Variants in DPP6 observed in about 807,000 individuals in gnomAD.
DPP6 encodes the protein A-type potassium channel modulatory protein DPP6.
Under a neutral mutation model 122.6 loss-of-function variants are expected in DPP6, and 69 were observed. The observed-to-expected ratio is 0.56, with a 90% CI of 0.46 to 0.69. The LOEUF is 0.69. Ranked by LOEUF, DPP6 falls within the 30% of genes least tolerant of loss-of-function variation. The pLI is 0.00. For missense variants in DPP6, 928 were observed against 1,116.9 expected, an observed-to-expected ratio of 0.83 and a Z score of 2.41; for synonymous variants, 418 against 433.1, an observed-to-expected ratio of 0.97 and a Z score of 0.43.
At chr7:153,840,222 A>G in the DPP6 span, among the ~76,000 whole-genome samples, 1 of 152,304 alleles carries the variant, frequency 6.6e-6, no homozygotes, top group South Asian at 2.1e-4. Flanking sequence ...CCCTACTTTC[A>G]ATTACTAATT....
chr7:154,349,174 GTTGTT>G (rs1467204360), intron 1 of DPP6, among the ~76,000 whole-genome samples: 1 of 152,096 alleles, frequency 6.6e-6, no homozygotes, highest in African/African-American at 2.4e-5. Flanking sequence ...GTTTGTTGTT[GTTGTT>G]TTGTTTTGTT....
rs1336236146 is a variant in DPP6 at position 153,964,922 on chromosome 7, CTTTCTTTCTTTCTTTCTT to C, written c.51+77202_51+77219del. ...TCCCTTCTTTTCTTTTCCTTTCTTT[CTTTCTTTCTTTCTTTCTT>C]TTTCTTTCTTTCTCTCTTTCTTTCT... is the stretch of plus-strand genomic sequence containing the variant. On this transcript the variant is annotated intron_variant, in intron 1 of 25. Coordinates refer to the DPP6 transcript ENST00000404039. Among the ~76,000 whole-genome samples, 108 of 110,848 alleles carry C rather than the reference CTTTCTTTCTTTCTTTCTT, an allele frequency of 9.7e-4. 1 individual carries two copies. In the East Asian group the frequency reaches 0.012, roughly 12 times the overall value. 72.7% of individuals were successfully genotyped at this position (110,848 alleles called of 152,430 possible).
At chr7:154,185,153 A>G (rs1390595955) in intron 1 of DPP6, among the ~76,000 whole-genome samples, 4 of 152,218 alleles carry the variant, frequency 2.6e-5, no homozygotes, top group African/African-American at 7.2e-5. Flanking sequence ...TACTAAGGCA[A>G]TTGTAATCAC....
At chr7:154,879,423 A>C (rs1805165545) in intron 20 of DPP6, among the ~76,000 whole-genome samples, 1 of 134,528 alleles carries the variant, frequency 7.4e-6, no homozygotes, top group Non-Finnish European at 1.5e-5. Flanking sequence ...TACTAAAAAA[A>C]AAAAAAAATA....
chr7:154,142,679 G>C (rs1795906819), intron 1 of DPP6, among the ~76,000 whole-genome samples: 1 of 151,820 alleles, frequency 6.6e-6, no homozygotes, highest in South Asian at 2.1e-4. Context: ...TTTTAGCTCT[G>C]CCTATTCACA....
intron 3 of DPP6, among the ~76,000 whole-genome samples, chr7:154,519,570 C>T (rs1826805799): frequency 6.6e-6 from 1 of 152,228 alleles, no homozygotes; most frequent in African/African-American, 2.4e-5. Context: ...CCTACTTTTC[C>T]TGGGAGAGTG....
chr7:154,337,519 G>C (rs7806984), intron 1 of DPP6, among the ~76,000 whole-genome samples: 117 of 152,192 alleles, frequency 7.7e-4, no homozygotes, highest in African/African-American at 2.5e-3. Context: ...CATCCCTACC[G>C]GACTCAGTGG....
intron 1 of DPP6, among the ~76,000 whole-genome samples, chr7:154,149,627 T>C (rs1796310010): frequency 6.6e-6 from 1 of 151,474 alleles, no homozygotes; most frequent in East Asian, 1.9e-4. Context: ...GACTTGATCA[T>C]GCTTCTGGCA....
intron 1 of DPP6, among the ~76,000 whole-genome samples, chr7:154,060,610 C>CCA (rs1801648825): frequency 8.5e-6 from 1 of 117,488 alleles, no homozygotes; most frequent in Non-Finnish European, 1.8e-5. Flanking sequence ...TCTTCCCCCC[C>CCA]CTGGCTCTGA....
chr7:153,787,171 T>C, the DPP6 span, among the ~76,000 whole-genome samples: 7 of 135,034 alleles, frequency 5.2e-5, no homozygotes, highest in Admixed American at 2.9e-4. Flanking sequence ...AGGATGATCT[T>C]GATCTCCTAA....
the DPP6 span, among the ~76,000 whole-genome samples, chr7:153,833,285 A>G: frequency 0.17 from 26,471 of 152,194 alleles, 2,347 homozygotes; most frequent in Non-Finnish European, 0.2. Flanking sequence ...AACTCCACTC[A>G]TGTCATACGC....
chr7:154,542,497 C>A (rs751327561), intron 4 of DPP6, among the ~76,000 whole-genome samples: 2 of 152,094 alleles, frequency 1.3e-5, no homozygotes, highest in Non-Finnish European at 2.9e-5. Context: ...GAATGTGAAC[C>A]GCCTTCTCTT....
chr7:154,371,837 A>T (rs959583282), intron 1 of DPP6, among the ~76,000 whole-genome samples: 1 of 152,110 alleles, frequency 6.6e-6, no homozygotes. Flanking sequence ...CTACACAAAC[A>T]TGACCTTTCC....
chr7:153,973,322 T>C (rs1796119646), intron 1 of DPP6, among the ~76,000 whole-genome samples: 1 of 152,180 alleles, frequency 6.6e-6, no homozygotes, highest in Non-Finnish European at 1.5e-5. Context: ...TGGTGTGGCA[T>C]GAGACACTCA....
intron 7 of DPP6, among the ~76,000 whole-genome samples, chr7:154,716,940 T>C (rs57716011): frequency 0.02 from 3,016 of 152,164 alleles, 92 homozygotes; most frequent in African/African-American, 0.07. Context: ...TTCAAGCGAT[T>C]CTCCTGCCTC....
chr7:154,645,558 C>T lies in DPP6; in HGVS notation c.680+7685C>T, dbSNP rs147546567. On this transcript the variant is annotated intron_variant, in intron 6 of 25. Coordinates refer to ENST00000377770, the MANE Select transcript of DPP6 (RefSeq NM_130797.4). The stretch of plus-strand genomic sequence containing the variant: ...GACTTTAGAGTCAAGGAGATCTGGG[C>T]GTAAATCCCCAGTCTTCGTTTCTAC... Among the ~76,000 whole-genome samples, 640 of 152,214 alleles carry T rather than the reference C, an allele frequency of 4.2e-3. 7 individuals are homozygous for T. Among genetic ancestry groups the T allele is most frequent in the African/African-American group, 0.015 (607 of 41,530 alleles).
chr7:154,319,150 C>G (rs907477049), intron 1 of DPP6, among the ~76,000 whole-genome samples: 8 of 152,196 alleles, frequency 5.3e-5, no homozygotes, highest in Admixed American at 2.6e-4. Flanking sequence ...CTCCAACAGT[C>G]TTACTGATTT....
rs552911770 is a variant in DPP6, at chr7:154,512,862, T to A, written c.458-27670T>A. On this transcript the variant is annotated intron_variant, in intron 3 of 25. Transcript: ENST00000377770. ...AGTTCTAGATTGAGAATTCAGTCATTAGACTAGACTCAAGGGGACATACTC... is the reference window on the plus strand; with the variant it reads ...AGTTCTAGATTGAGAATTCAGTCATAAGACTAGACTCAAGGGGACATACTC... Among the ~76,000 whole-genome samples the A allele has an allele frequency of 3.9e-5, 6 of 152,296 alleles. No individual in the cohort carries two copies. In the South Asian group the frequency reaches 1.0e-3, roughly 26 times the overall value.
At chr7:154,561,313 C>A (rs1830412505) in intron 4 of DPP6, among the ~76,000 whole-genome samples, 3 of 152,160 alleles carry the variant, frequency 2.0e-5, no homozygotes, top group African/African-American at 4.8e-5. Flanking sequence ...CCTCTGAGTG[C>A]ACGTGAAACA....
Sources: allele counts gnomAD v4.1 joint callset (sites outside exome capture counted in the v4.1 genomes callset), GRCh38; gene constraint gnomAD v4.1.1; transcripts MANE v1.5; gene names NCBI Gene and HGNC (gene_info 2026-07-23, HGNC 2026-07-21).